The following REDIC1 variants were observed in gnomAD, a reference collection of about 807,000 sequenced individuals.
The protein encoded by REDIC1 is regulator of DNA class I crossover intermediates 1, also known as HEI10 Interacting Protein 1.
the REDIC1 span, among the ~76,000 whole-genome samples, chr12:39,863,552 A>G: frequency 2.6e-5 from 4 of 152,182 alleles, no homozygotes; most frequent in African/African-American, 9.6e-5. Flanking sequence ...TTAAAAACAT[A>G]TAAGTAAAAT....
chr12:39,756,022 C>G, the REDIC1 span: 2 of 151,938 alleles, frequency 1.3e-5, no homozygotes, highest in Non-Finnish European at 2.9e-5. Context: ...AGAAAAATAG[C>G]AGCAGTATTG....
the REDIC1 span, among the ~76,000 whole-genome samples, chr12:39,900,609 T>C: frequency 2.0e-5 from 3 of 152,062 alleles, no homozygotes; most frequent in East Asian, 1.9e-4. Context: ...GAGAATAAAA[T>C]ACCTAGGAAT....
At chr12:39,731,485 A>C in the REDIC1 span, among the ~76,000 whole-genome samples, 1 of 152,198 alleles carries the variant, frequency 6.6e-6, no homozygotes, top group Non-Finnish European at 1.5e-5. Flanking sequence ...TGGAGGCTCC[A>C]GAACAGCAAA....
chr12:39,712,634 T>A, the REDIC1 span, among the ~76,000 whole-genome samples: 15 of 145,800 alleles, frequency 1.0e-4, no homozygotes, highest in South Asian at 3.2e-3. Context: ...TATATATGTA[T>A]ACACATTTAT....
At chr12:39,704,810 A>G in the REDIC1 span, among the ~76,000 whole-genome samples, 1 of 152,168 alleles carries the variant, frequency 6.6e-6, no homozygotes, top group African/African-American at 2.4e-5. Flanking sequence ...TTCTCAGTAA[A>G]CTATCCCAAG....
the REDIC1 span, among the ~76,000 whole-genome samples, chr12:39,837,008 C>A: frequency 2.5e-5 from 1 of 39,636 alleles, no homozygotes; most frequent in Non-Finnish European, 4.4e-5. Flanking sequence ...TCATATGGAA[C>A]CAAAAAAGAG....
At chr12:39,747,470 G>A in the REDIC1 span, among the ~76,000 whole-genome samples, 2 of 152,218 alleles carry the variant, frequency 1.3e-5, no homozygotes, top group Non-Finnish European at 2.9e-5. Flanking sequence ...TGAAAGTGAT[G>A]GGGAGAATGG....
At chr12:39,715,194 A>C in the REDIC1 span, among the ~76,000 whole-genome samples, 1 of 152,088 alleles carries the variant, frequency 6.6e-6, no homozygotes, top group East Asian at 1.9e-4. Context: ...TTATAATTTC[A>C]AGTCTTAGGT....
the REDIC1 span, chr12:39,684,727 A>G: frequency 1.7e-6 from 1 of 601,554 alleles, no homozygotes; most frequent in Non-Finnish European, 2.9e-6. Flanking sequence ...GCTCCTTGGC[A>G]TGGAGCTTAT....
the REDIC1 span, among the ~76,000 whole-genome samples, chr12:39,651,535 CT>C: frequency 3.9e-5 from 6 of 152,216 alleles, no homozygotes; most frequent in East Asian, 1.2e-3. Flanking sequence ...TACTTGATTC[CT>C]TCCTTTCCTT....
the REDIC1 span, among the ~76,000 whole-genome samples, chr12:39,659,702 T>C: frequency 6.6e-6 from 1 of 152,220 alleles, no homozygotes; most frequent in East Asian, 1.9e-4. Flanking sequence ...TTTAATGTAC[T>C]TGTCTACGAA....
chr12:39,748,588 C>A, the REDIC1 span, among the ~76,000 whole-genome samples: 2 of 152,188 alleles, frequency 1.3e-5, no homozygotes, highest in East Asian at 3.8e-4. Context: ...ATCTACAGAA[C>A]TCTCCACCCC....
At chr12:39,632,714 T>C in the REDIC1 span, among the ~76,000 whole-genome samples, 2 of 152,206 alleles carry the variant, frequency 1.3e-5, no homozygotes, top group Non-Finnish European at 2.9e-5. Flanking sequence ...CTATGCTATA[T>C]GGTATAGTCT....
At chr12:39,693,863 G>A in the REDIC1 span, among the ~76,000 whole-genome samples, 1 of 152,126 alleles carries the variant, frequency 6.6e-6, no homozygotes, top group African/African-American at 2.4e-5. Flanking sequence ...GGATATTGCT[G>A]AATTTCAATT....
chr12:39,840,028 T>TG, the REDIC1 span, among the ~76,000 whole-genome samples: 1 of 151,996 alleles, frequency 6.6e-6, no homozygotes, highest in Non-Finnish European at 1.5e-5. Flanking sequence ...TCCATTCTTT[T>TG]TTTTTGTTTT....
the REDIC1 span, among the ~76,000 whole-genome samples, chr12:39,876,475 G>A: frequency 6.6e-6 from 1 of 152,038 alleles, no homozygotes; most frequent in Non-Finnish European, 1.5e-5. Flanking sequence ...TAAAATAATT[G>A]TCTGCTGGTT....
At chr12:39,672,708 A>C in the REDIC1 span, among the ~76,000 whole-genome samples, 1 of 152,032 alleles carries the variant, frequency 6.6e-6, no homozygotes, top group African/African-American at 2.4e-5. Flanking sequence ...GGGCTAGAGT[A>C]CTGGGGGGCT....
the REDIC1 span, among the ~76,000 whole-genome samples, chr12:39,875,137 C>G: frequency 6.6e-6 from 1 of 152,222 alleles, no homozygotes; most frequent in South Asian, 2.1e-4. Flanking sequence ...CATTTATTAT[C>G]TCACAGCTCT....
At chr12:39,790,998 T>G in the REDIC1 span, among the ~76,000 whole-genome samples, 2 of 73,806 alleles carry the variant, frequency 2.7e-5, no homozygotes, top group African/African-American at 4.8e-5. Flanking sequence ...TCATGTGTTT[T>G]TTGGCTGCAT....
Sources: allele counts gnomAD v4.1 joint callset (sites outside exome capture counted in the v4.1 genomes callset), GRCh38; gene constraint gnomAD v4.1.1; transcripts MANE v1.5; gene names NCBI Gene and HGNC (gene_info 2026-07-23, HGNC 2026-07-21).